The following ABAT variants were observed in gnomAD, a reference collection of about 807,000 sequenced individuals.
ABAT encodes 4-aminobutyrate aminotransferase, mitochondrial.
A neutral mutation model predicts 64.6 loss-of-function variants in ABAT; 45 were observed. That is an observed-to-expected ratio of 0.70 (90% CI 0.55 to 0.89). ABAT has a LOEUF of 0.89. ABAT is among the 40% of genes least tolerant of loss of function. The probability of loss-of-function intolerance (pLI) is 0.00; values close to 1 mark genes in which losing one functional copy is unlikely to be tolerated. For missense variants in ABAT, 633 were observed against 658.4 expected (o/e 0.96, Z 0.42); for synonymous variants, 297 against 250.5 (o/e 1.19, Z -1.75).
At position 8,781,184 on chromosome 16, in the gene ABAT, G is replaced by C. The variant is rs2060427063; in HGVS notation, c.1382-125G>C. The C allele has an allele frequency of 6.9e-7, 1 of 1,457,318 alleles. No individual in the cohort carries two copies. Among genetic ancestry groups the C allele is most frequent in the Admixed American group, 1.8e-5 (1 of 55,952 alleles). 90.3% of individuals were successfully genotyped at this position (1,457,318 alleles called of 1,614,324 possible). A position where few individuals can be genotyped will look rare whatever the true frequency, so the allele number is the denominator to read the frequency against. On this transcript the variant is annotated intron_variant, in intron 15 of 15. Coordinates refer to ENST00000268251, the MANE Select transcript of ABAT (RefSeq NM_020686.6). This position sits in a 1 kb window ranked among gnomAD's most constrained non-coding sequence, Gnocchi z 4.5. The stretch of plus-strand genomic sequence containing the variant: ...GAAGGAAGCCCGGGCTTCCATGATG[G>C]AGGATGATGGATGGATGGATGGATG...
intron 14 of ABAT, among the ~76,000 whole-genome samples, chr16:8,778,766 G>C: frequency 6.8e-6 from 1 of 146,672 alleles, no homozygotes; most frequent in Non-Finnish European, 1.5e-5. Context: ...AACAGAGTGA[G>C]ACTCCATCTC....
rs1182574273 is a variant in ABAT at position 8,743,423 on chromosome 16, T to TTATATATATATA, written c.71-2567_71-2556dup. ...GTCCCCTCTTGTGTAATGGAAACAGTTATATATATATATATATATATACAC... is the reference window on the plus strand; with the variant it reads ...GTCCCCTCTTGTGTAATGGAAACAGTTATATATATATATATATATATATATATATATATACAC... On this transcript the variant is annotated intron_variant, in intron 2 of 15. Transcript: ENST00000268251. Among the ~76,000 whole-genome samples the TTATATATATATA allele has an allele frequency of 4.1e-3, 187 of 45,256 alleles. 5 individuals carry two copies. Among genetic ancestry groups the TTATATATATATA allele is most frequent in the East Asian group, 0.023 (36 of 1,588 alleles). 29.7% of individuals were successfully genotyped at this position (45,256 alleles called of 152,430 possible). A position where few individuals can be genotyped will look rare whatever the true frequency, so the allele number is the denominator to read the frequency against.
At chr16:8,715,014 AC>A (rs1426248589) in intron 1 of ABAT, 9 of 152,114 alleles carry the variant, frequency 5.9e-5, no homozygotes, top group African/African-American at 2.2e-4. Flanking sequence ...GAAATCTTTA[AC>A]TTCCACCCAA....
At chr16:8,751,871 GACAGGGCTA>G (rs549106027) in intron 5 of ABAT, among the ~76,000 whole-genome samples, 70 of 152,330 alleles carry the variant, frequency 4.6e-4, no homozygotes, top group African/African-American at 1.7e-3. Context: ...AGACAGGATG[GACAGGGCTA>G]AATTGGAAAT....
rs548023281 is a variant in ABAT, at chr16:8,715,958, C to A, written c.-41-19741C>A. 2.6e-5 allele frequency among the ~76,000 whole-genome samples: 4 copies of A among 152,192 alleles called. No individual in the cohort carries two copies. In the South Asian group the frequency reaches 6.2e-4, roughly 24 times the overall value. On this transcript the variant is annotated intron_variant, in intron 1 of 15. Transcript: ENST00000268251. ...CAGAAGACAGATAATAGAGTGGGCACGAGTGTGGCAAAATGTTAACAGTTT... is the reference window on the plus strand; with the variant it reads ...CAGAAGACAGATAATAGAGTGGGCAAGAGTGTGGCAAAATGTTAACAGTTT...
intron 1 of ABAT, among the ~76,000 whole-genome samples, chr16:8,711,616 G>A (rs758965335): frequency 1.2e-4 from 18 of 152,304 alleles, no homozygotes; most frequent in Non-Finnish European, 4.4e-5. Flanking sequence ...AGAGGATTTG[G>A]GGATAGTGAA....
At chr16:8,727,701 G>A (rs1000627424) in intron 1 of ABAT, among the ~76,000 whole-genome samples, 7 of 152,058 alleles carry the variant, frequency 4.6e-5, no homozygotes, top group East Asian at 1.9e-4. Context: ...TTTTCTTTCC[G>A]CTCATAGTTC....
intron 5 of ABAT, among the ~76,000 whole-genome samples, chr16:8,754,793 A>G (rs575056278): frequency 2.2e-4 from 33 of 151,230 alleles, no homozygotes; most frequent in Non-Finnish European, 3.7e-4. Context: ...ATCTCAGCTC[A>G]CTACAACCTC....
At chr16:8,733,559 C>T (rs550136673) in intron 1 of ABAT, among the ~76,000 whole-genome samples, 2 of 152,018 alleles carry the variant, frequency 1.3e-5, no homozygotes, top group South Asian at 2.1e-4. Flanking sequence ...ACTGAGTGAA[C>T]GAGACTCCGT....
At chr16:8,681,130 A>G (rs1382558136) in intron 1 of ABAT, among the ~76,000 whole-genome samples, 2 of 151,728 alleles carry the variant, frequency 1.3e-5, no homozygotes, top group African/African-American at 2.4e-5. Flanking sequence ...AACAGGTGCC[A>G]CCACACCTGG....
At chr16:8,777,355 G>A (rs994879044) in intron 14 of ABAT, among the ~76,000 whole-genome samples, 28 of 152,192 alleles carry the variant, frequency 1.8e-4, no homozygotes, top group African/African-American at 6.5e-4. Context: ...CCCTGCTGGA[G>A]CTGGATTACT....
chr16:8,780,750 G>C (rs569357812), intron 15 of ABAT: 9 of 196,234 alleles, frequency 4.6e-5, no homozygotes, highest in Non-Finnish European at 9.1e-5. Flanking sequence ...GTGACAGCGC[G>C]AGACTCCATC....
At position 8,765,963 on chromosome 16, in the gene ABAT, T is replaced by A. The variant is rs150770105; in HGVS notation, c.541-245T>A. 862 of 455,856 alleles carry A rather than the reference T, an allele frequency of 1.9e-3. 7 individuals carry two copies. Among genetic ancestry groups the A allele is most frequent in the African/African-American group, 0.015 (770 of 50,328 alleles). The allele number at this position is 455,856 out of a possible 1,614,324, so 28.2% of individuals were successfully genotyped here. A position where few individuals can be genotyped will look rare whatever the true frequency, so the allele number is the denominator to read the frequency against. On this transcript the variant is annotated intron_variant, in intron 8 of 15. Transcript: ENST00000268251. ...CAAAACATGCAACGCTCTCAGCAGA[T>A]CTTAATCCAACAGATCTTAATCGTT...
At chr16:8,722,656 C>T in intron 1 of ABAT, 3 of 434,190 alleles carry the variant, frequency 6.9e-6, no homozygotes, top group Non-Finnish European at 1.2e-5. Context: ...CCTGCTGTAA[C>T]TTCAGATTTT....
chr16:8,706,636 C>G (rs1465218299), intron 1 of ABAT, among the ~76,000 whole-genome samples: 2 of 152,072 alleles, frequency 1.3e-5, no homozygotes, highest in Non-Finnish European at 2.9e-5. Context: ...TCAATTGAAC[C>G]TGGGAGGTGG....
intron 1 of ABAT, among the ~76,000 whole-genome samples, chr16:8,734,776 T>C (rs1308909607): frequency 6.6e-6 from 1 of 152,116 alleles, no homozygotes; most frequent in Non-Finnish European, 1.5e-5. Flanking sequence ...AACAGGTTTT[T>C]AGCAGAAAGA....
chr16:8,745,796 A>G (rs2059310790), intron 2 of ABAT, among the ~76,000 whole-genome samples: 1 of 152,326 alleles, frequency 6.6e-6, no homozygotes, highest in South Asian at 2.1e-4. Context: ...CTTTGCTGAC[A>G]CTGGGTTTTC....
chr16:8,732,803 C>T (rs2058773937), intron 1 of ABAT, among the ~76,000 whole-genome samples: 1 of 149,892 alleles, frequency 6.7e-6, no homozygotes, highest in South Asian at 2.1e-4. Context: ...GGCGGCCGGG[C>T]AGAGGCGCCC....
chr16:8,771,464 C>CTTTTTTTTTTTTT (rs1207440161), intron 11 of ABAT, among the ~76,000 whole-genome samples: 2 of 108,508 alleles, frequency 1.8e-5, no homozygotes, highest in African/African-American at 3.2e-5. Flanking sequence ...TAGGGTTTTT[C>CTTTTTTTTTTTTT]TTTCTTTTTT....
Sources: allele counts gnomAD v4.1 joint callset (sites outside exome capture counted in the v4.1 genomes callset), GRCh38; gene constraint gnomAD v4.1.1; non-coding constraint Gnocchi (gnomAD v3.1); transcripts MANE v1.5; gene names NCBI Gene and HGNC (gene_info 2026-07-23, HGNC 2026-07-21).